ASB4: variants seen among roughly 807,000 people sequenced by gnomAD.
ASB4 encodes ankyrin repeat and SOCS box protein 4.
A neutral mutation model predicts 38.6 loss-of-function variants in ASB4; 35 were observed. The ratio of observed to expected loss-of-function variants is 0.91; its 90% CI spans 0.69 to 1.20. The LOEUF is 1.20. Ranked by LOEUF, ASB4 falls within the 50% of genes most tolerant of loss-of-function variation. The pLI is 0.00. For missense variants in ASB4, 557 were observed against 527.2 expected (o/e 1.06, Z -0.55); for synonymous variants, 195 against 201.3 (o/e 0.97, Z 0.26).
At position 95,534,029 on chromosome 7, in the gene ASB4, G is replaced by A. The variant is rs76996770; in HGVS notation, c.979-2408G>A. 5.9e-3 allele frequency among the ~76,000 whole-genome samples: 899 copies of A among 152,196 alleles called. 10 individuals carry two copies. The highest frequency in any genetic ancestry group is 0.021 in the African/African-American group (860 of 41,506). ...CTCCATCTTAGCTTTCTAATGGGGA[G>A]CATCTATTGTGTACATTTTTTGCTG... On this transcript the variant is annotated intron_variant, in intron 3 of 4. Coordinates refer to ENST00000325885, the MANE Select transcript of ASB4 (RefSeq NM_016116.3).
chr7:95,532,414 C>T (rs570259145), intron 3 of ASB4, among the ~76,000 whole-genome samples: 1 of 151,780 alleles, frequency 6.6e-6, no homozygotes, highest in Non-Finnish European at 1.5e-5. Context: ...TTTTTTCTCC[C>T]AGCGTAATTC....
At chr7:95,477,971 G>A (rs1410578767), upstream of ASB4, among the ~76,000 whole-genome samples, 3 of 151,652 alleles carry the variant, frequency 2.0e-5, no homozygotes, top group African/African-American at 7.3e-5. Flanking sequence ...GTTGAGGATT[G>A]CTCCTTCATG....
intron 1 of ASB4, among the ~76,000 whole-genome samples, chr7:95,492,773 C>T (rs1790190569): frequency 6.6e-6 from 1 of 152,166 alleles, no homozygotes; most frequent in Admixed American, 6.5e-5. Flanking sequence ...GTTTTCAGAC[C>T]TGGAACCAAC....
At chr7:95,508,399 T>C (rs543725535) in intron 2 of ASB4, among the ~76,000 whole-genome samples, 64 of 151,922 alleles carry the variant, frequency 4.2e-4, no homozygotes, top group Non-Finnish European at 6.9e-4. Context: ...GTATAAAAGA[T>C]CTGAGGAAAA....
chr7:95,488,024 C>T (rs1234100673), intron 1 of ASB4, among the ~76,000 whole-genome samples: 1 of 152,148 alleles, frequency 6.6e-6, no homozygotes, highest in Non-Finnish European at 1.5e-5. Context: ...GTCTTAAACC[C>T]AGGTTAAAAC....
chr7:95,482,923 G>C (rs760946352), upstream of ASB4, among the ~76,000 whole-genome samples: 3 of 152,180 alleles, frequency 2.0e-5, no homozygotes, highest in Admixed American at 6.5e-5. Flanking sequence ...GGACACTGAG[G>C]TTAGCGGCTC....
chr7:95,483,278 G>GTA (rs1790039400), upstream of ASB4, among the ~76,000 whole-genome samples: 2 of 152,156 alleles, frequency 1.3e-5, no homozygotes, highest in Admixed American at 6.5e-5. Context: ...CTTGATACAC[G>GTA]TGGTCTGGCC....
chr7:95,477,180 C>T (rs1033239858), upstream of ASB4, among the ~76,000 whole-genome samples: 2 of 152,016 alleles, frequency 1.3e-5, no homozygotes, highest in African/African-American at 4.8e-5. Context: ...ATCATGTGGC[C>T]TGACGTGTTA....
downstream of ASB4, chr7:95,543,538 A>G (rs1790997020): frequency 6.6e-6 from 1 of 152,340 alleles, no homozygotes; most frequent in African/African-American, 2.4e-5. Flanking sequence ...AGAAGCCACT[A>G]TGGACCACGG....
chr7:95,478,254 A>AT (rs1789995091), upstream of ASB4, among the ~76,000 whole-genome samples: 1 of 152,264 alleles, frequency 6.6e-6, no homozygotes, highest in East Asian at 1.9e-4. Flanking sequence ...TATTCCCTCG[A>AT]GTTGATGTTG....
the ASB4 span, among the ~76,000 whole-genome samples, chr7:95,549,606 T>C: frequency 2.0e-5 from 3 of 152,134 alleles, no homozygotes; most frequent in Non-Finnish European, 4.4e-5. Context: ...CGAGACTCCA[T>C]TTTTAAAATG....
rs1562824013 is a variant in ASB4 at position 95,537,847 on chromosome 7, T to C, written c.*88T>C. 37 of 1,146,466 alleles carry C rather than the reference T, an allele frequency of 3.2e-5. 1 individual carries two copies. The South Asian group carries it at 5.6e-4, about 17-fold the overall frequency. The allele number at this position is 1,146,466 out of a possible 1,614,324, so 71.0% of individuals were successfully genotyped here. The stretch of plus-strand genomic sequence containing the variant: ...TTGCCTAAATAAAATGGTACTTGGG[T>C]TGATTATAACACTTCAGGGATTTCA... On this transcript the variant is annotated 3_prime_UTR_variant, in exon 5 of 5. Coordinates refer to ENST00000325885, the MANE Select transcript of ASB4 (RefSeq NM_016116.3).
the ASB4 span, among the ~76,000 whole-genome samples, chr7:95,470,773 C>A: frequency 1.3e-5 from 2 of 152,152 alleles, no homozygotes; most frequent in Non-Finnish European, 2.9e-5. Flanking sequence ...TTTCAAGGCA[C>A]TGTCCCATCC....
intron 3 of ASB4, among the ~76,000 whole-genome samples, chr7:95,530,692 G>A (rs760307585): frequency 2.6e-5 from 4 of 152,116 alleles, no homozygotes; most frequent in Non-Finnish European, 4.4e-5. Context: ...CATATATGTC[G>A]CCTTGTAAGC....
chr7:95,544,910 G>A (rs1193704273), downstream of ASB4, among the ~76,000 whole-genome samples: 1 of 151,982 alleles, frequency 6.6e-6, no homozygotes, highest in African/African-American at 2.4e-5. Context: ...TGACCAGGCT[G>A]GTCTCAAACT....
At chr7:95,517,587 C>T (rs540866104) in intron 2 of ASB4, among the ~76,000 whole-genome samples, 2 of 149,982 alleles carry the variant, frequency 1.3e-5, no homozygotes, top group African/African-American at 2.5e-5. Context: ...GAAGAAAGCA[C>T]ACCCAAGGAA....
Position 95,528,798 on chromosome 7 carries a change from A to C in ASB4, c.978+495A>C, listed in dbSNP as rs1200329142. The C allele has an allele frequency of 4.8e-6, 3 of 623,518 alleles. No individual in the cohort carries two copies. The Admixed American group carries it at 1.8e-4, about 37-fold the overall frequency. The allele number at this position is 623,518 out of a possible 1,614,324, so 38.6% of individuals were successfully genotyped here. A position where few individuals can be genotyped will look rare whatever the true frequency, so the allele number is the denominator to read the frequency against. ...TATAATAAATAAGCACACTGTTATA[A>C]GCATTTTGTATGTCTTCATTTAATT... is the stretch of plus-strand genomic sequence containing the variant. On this transcript the variant is annotated intron_variant, in intron 3 of 4. Transcript: ENST00000325885.
rs1188066170 is a variant in ASB4 at position 95,539,925 on chromosome 7, C to T, written c.*2166C>T. On this transcript the variant is annotated 3_prime_UTR_variant, in exon 5 of 5. Transcript: ENST00000325885. Reference sequence around the variant, plus strand: ...TAATTAACAAAGTAAAACAAGATCACACCCTGGAACAATTGGAGGATTGCT... The same window carrying T: ...TAATTAACAAAGTAAAACAAGATCATACCCTGGAACAATTGGAGGATTGCT... 1 of 152,180 alleles carries T rather than the reference C, an allele frequency of 6.6e-6. No individual in the cohort carries two copies. Among genetic ancestry groups the T allele is most frequent in the African/African-American group, 2.4e-5 (1 of 41,454 alleles). 9.4% of individuals were successfully genotyped at this position (152,180 alleles called of 1,614,324 possible).
At chr7:95,499,315 A>G (rs73711326) in intron 2 of ASB4, among the ~76,000 whole-genome samples, 1,864 of 152,356 alleles carry the variant, frequency 0.012, 40 homozygotes, top group African/African-American at 0.041. Flanking sequence ...AAAAGCCCCA[A>G]TGAATTCTAA....
Sources: allele counts gnomAD v4.1 joint callset (sites outside exome capture counted in the v4.1 genomes callset), GRCh38; gene constraint gnomAD v4.1.1; transcripts MANE v1.5; gene names NCBI Gene and HGNC (gene_info 2026-07-23, HGNC 2026-07-21).